PPP1R12C: variants seen among roughly 807,000 people sequenced by gnomAD.
PPP1R12C encodes protein phosphatase 1 regulatory subunit 12C.
A neutral mutation model predicts 95.6 loss-of-function variants in PPP1R12C; 48 were observed. The ratio of observed to expected loss-of-function variants is 0.50; its 90% confidence interval spans 0.40 to 0.64. The LOEUF is 0.64. Among genes scored for constraint, PPP1R12C ranks in the 30% least tolerant of loss-of-function variants. The pLI is 0.00. For missense variants in PPP1R12C, 1,057 were observed against 1,083.3 expected (o/e 0.98, Z 0.34); for synonymous variants, 480 against 460.8 (o/e 1.04, Z -0.53).
At chr19:55,099,158 C>A in intron 4 of PPP1R12C, 63 bp from the exon 5 acceptor site, 1 of 1,446,434 alleles carries the variant, frequency 6.9e-7, no homozygotes, top group Non-Finnish European at 9.1e-7. Flanking sequence ...GGGCTGATTT[C>A]GGCCAGCGGT....
chr19:55,114,709 A>AC (rs953328045), intron 1 of PPP1R12C: 9 of 152,230 alleles, frequency 5.9e-5, no homozygotes, highest in African/African-American at 1.9e-4. Context: ...ACCCCAGCCC[A>AC]CCCCAATGCT....
At chr19:55,091,593 G>A (rs752094214) in intron 21 of PPP1R12C, 35 bp from the exon 22 acceptor site, 2 of 1,610,548 alleles carry the variant, frequency 1.2e-6, no homozygotes, top group African/African-American at 1.3e-5. Context: ...GGCAGCCCTG[G>A]CGGGTTGCAC....
chr19:55,091,495 C>T lies in PPP1R12C; in HGVS notation c.2326G>A (p.Val776Ile), dbSNP rs747643608. 1.2e-5 allele frequency: 19 copies of T among 1,614,010 alleles called. No homozygotes were observed. The highest frequency in any genetic ancestry group is 2.2e-5 in the East Asian group (1 of 44,872). The change falls in exon 22 of 22, where the codon GTC (valine) becomes ATC (isoleucine). Residue 776 changes from valine to isoleucine, a missense_variant. Physicochemically the swap from Val to Ile is conservative, Grantham distance 29 (BLOSUM62 3). Transcript: ENST00000263433. Reference sequence around the variant, plus strand: ...GGTCACTTGGAGAGTTTGCTGATGACGCGGATCAACGCTGCATTCTCATCC... The same window carrying T: ...GGTCACTTGGAGAGTTTGCTGATGATGCGGATCAACGCTGCATTCTCATCC... ...LKDENAALIR[V>I]ISKLSK is the part of the protein sequence containing the mutation.
intron 6 of PPP1R12C, among the ~76,000 whole-genome samples, chr19:55,097,541 TCGCCCCTTCCC>T (rs2084934029): frequency 1.9e-4 from 4 of 20,846 alleles, no homozygotes; most frequent in Non-Finnish European, 5.3e-4. Flanking sequence ...ACCACCGTCT[TCGCCCCTTCCC>T]CACGCAGTTC....
At chr19:55,113,658 A>G in intron 1 of PPP1R12C, 4 of 1,202,360 alleles carry the variant, frequency 3.3e-6, no homozygotes, top group Non-Finnish European at 4.2e-6. Flanking sequence ...ATTACCCCCC[A>G]AGTCCCTCAC....
chr19:55,107,282 C>T (rs896463493), intron 3 of PPP1R12C, among the ~76,000 whole-genome samples: 5 of 152,050 alleles, frequency 3.3e-5, no homozygotes, highest in Non-Finnish European at 5.9e-5. Flanking sequence ...GGCATGGTGG[C>T]GGGTGCTTGT....
chr19:55,112,504 G>A lies in PPP1R12C; in HGVS notation c.534C>T (p.Ala178=). Residue 178 remains alanine (A), a synonymous_variant, in exon 3 of 22, where the codon GCC becomes GCT. Coordinates refer to ENST00000263433, the MANE Select transcript of PPP1R12C (RefSeq NM_017607.4). ...TCTCCGCCTTCAGCAGCCCCTCCAT[G>A]GCGTCCGACTCGGCCAGGTCCAGGG... The part of the protein sequence containing the change: ...DLPLDLAESD[A]MEGLLKAEIA... 6.2e-7 allele frequency: 1 copy of A among 1,613,106 alleles called. No homozygotes were observed. Among genetic ancestry groups the A allele is most frequent in the Non-Finnish European group, 8.5e-7 (1 of 1,179,804 alleles).
At chr19:55,110,402 T>C (rs2085082940) in intron 3 of PPP1R12C, among the ~76,000 whole-genome samples, 1 of 147,006 alleles carries the variant, frequency 6.8e-6, no homozygotes. Flanking sequence ...GGTGAGAGTG[T>C]AGCATCAAGG....
intron 3 of PPP1R12C, among the ~76,000 whole-genome samples, chr19:55,105,220 G>C (rs1388004387): frequency 2.6e-5 from 4 of 152,094 alleles, no homozygotes; most frequent in African/African-American, 7.2e-5. Flanking sequence ...ACACCTGGCT[G>C]TGTCATTTCT....
At chr19:55,107,370 T>C (rs1602998436) in intron 3 of PPP1R12C, among the ~76,000 whole-genome samples, 1 of 152,194 alleles carries the variant, frequency 6.6e-6, no homozygotes, top group Non-Finnish European at 1.5e-5. Flanking sequence ...GTCAAGACCA[T>C]GCCACTGCAC....
intron 4 of PPP1R12C, among the ~76,000 whole-genome samples, chr19:55,100,068 T>TC (rs1394650570): frequency 2.0e-5 from 3 of 152,100 alleles, no homozygotes; most frequent in African/African-American, 7.2e-5. Flanking sequence ...CCTCGCTATT[T>TC]CCCCAAGCGT....
chr19:55,114,752 T>G (rs1158087949), intron 1 of PPP1R12C: 1 of 152,064 alleles, frequency 6.6e-6, no homozygotes, highest in Non-Finnish European at 1.5e-5. Context: ...AAGAGTGAGT[T>G]TGCCAAGCAG....
At position 55,091,609 on chromosome 19, in the gene PPP1R12C, C is replaced by T. The variant is rs202085356; in HGVS notation, c.2262+41G>A. 6.9e-6 allele frequency: 11 copies of T among 1,595,546 alleles called. No individual in the cohort carries two copies. In the South Asian group the frequency reaches 1.2e-4, roughly 18 times the overall value. On this transcript the variant is annotated intron_variant, in intron 21 of 21. Coordinates refer to ENST00000263433, the MANE Select transcript of PPP1R12C (RefSeq NM_017607.4). Reference sequence around the variant, plus strand: ...GCAGCCCTGGCGGGTTGCACCCCCACCCACCCTCGGCCCTCTGCCCACAGC... The same window carrying T: ...GCAGCCCTGGCGGGTTGCACCCCCATCCACCCTCGGCCCTCTGCCCACAGC...
At position 55,092,779 on chromosome 19, in the gene PPP1R12C, T is replaced by C. The variant is rs2084861474; in HGVS notation, c.1911+4A>G. 3 of 1,518,832 alleles carry C rather than the reference T, an allele frequency of 2.0e-6. No individual in the cohort carries two copies. In the East Asian group the frequency reaches 7.6e-5, roughly 38 times the overall value. 94.1% of individuals were successfully genotyped at this position (1,518,832 alleles called of 1,614,324 possible). A position where few individuals can be genotyped will look rare whatever the true frequency, so the allele number is the denominator to read the frequency against. ...ACCAGCTCGGCCCCACCTGAGCCCC[T>C]CACCTCCGCAGGCCCCCTCCACTCC... On this transcript the variant is annotated splice_donor_region_variant and intron_variant, in intron 16 of 21. Coordinates refer to ENST00000263433, the MANE Select transcript of PPP1R12C (RefSeq NM_017607.4).
intron 10 of PPP1R12C, 23 bp downstream of exon 10, chr19:55,095,422 G>C (rs2147182793): frequency 1.9e-6 from 3 of 1,561,388 alleles, no homozygotes; most frequent in Non-Finnish European, 2.6e-6. Context: ...CCTGGGCCTG[G>C]ACCCGGCCCA....
intron 1 of PPP1R12C, among the ~76,000 whole-genome samples, chr19:55,116,490 G>A (rs1381466832): frequency 6.6e-6 from 1 of 152,106 alleles, no homozygotes. Flanking sequence ...ATCTGGGCCA[G>A]CCGTAGAGGT....
At position 55,095,894 on chromosome 19, in the gene PPP1R12C, C is replaced by T. The variant is rs764116902; in HGVS notation, c.1200G>A (p.Pro400=). 15 of 1,613,348 alleles carry T rather than the reference C, an allele frequency of 9.3e-6. No homozygotes were observed. Among genetic ancestry groups the T allele is most frequent in the African/African-American group, 2.7e-5 (2 of 74,902 alleles). The change falls in exon 9 of 22, where the codon CCG becomes CCA. Residue 400 remains proline (P), a synonymous_variant. Transcript: ENST00000263433. ...CGGGACTCTTAGGGCTGGGGTGCGG[C>T]GGGGAGGAGACGCCATTGAGGGTTC... The part of the protein sequence containing the change: ...EPRTLNGVSS[P]PHPSPKSPVQ...
At chr19:55,112,266 T>C in intron 3 of PPP1R12C, 1 of 333,132 alleles carries the variant, frequency 3.0e-6, no homozygotes, top group South Asian at 3.1e-5. Flanking sequence ...GTTCTCATCC[T>C]GTGCGTGTGC....
At chr19:55,113,655 C>T in intron 1 of PPP1R12C, 2 of 1,211,566 alleles carry the variant, frequency 1.7e-6, no homozygotes, top group Non-Finnish European at 2.1e-6. Context: ...TAAATTACCC[C>T]CCAAGTCCCT....
Sources: allele counts gnomAD v4.1 joint callset (sites outside exome capture counted in the v4.1 genomes callset), GRCh38; gene constraint gnomAD v4.1.1; transcripts MANE v1.5; gene names NCBI Gene and HGNC (gene_info 2026-07-23, HGNC 2026-07-21).